The following YTHDC1 variants were observed in gnomAD, a reference collection of about 807,000 sequenced individuals.
YTHDC1 encodes the protein YTH N6-methyladenosine RNA binding protein C1.
A neutral mutation model predicts 107.0 loss-of-function variants in YTHDC1; 12 were observed. The observed-to-expected ratio is 0.11, with a 90% confidence interval of 0.07 to 0.18. The LOEUF (loss-of-function observed/expected upper bound fraction) is 0.18. Among genes scored for constraint, YTHDC1 ranks in the 10% least tolerant of loss-of-function variants. YTHDC1 has a pLI of 1.00. For missense variants in YTHDC1, 635 were observed against 898.8 expected (o/e 0.71, Z 3.75); for synonymous variants, 280 against 289.5 (o/e 0.97, Z 0.33).
In YTHDC1 at chr4:68,337,132, C is replaced by T; in HGVS notation, c.778G>A (p.Glu260Lys). 1.9e-6 allele frequency: 3 copies of T among 1,614,084 alleles called. No individual in the cohort carries two copies. The highest frequency in any genetic ancestry group is 2.5e-6 in the Non-Finnish European group (3 of 1,180,000). Residue 260 changes from glutamate (E) to lysine (K), a missense_variant, in exon 4 of 17, where the codon GAG becomes AAG. Physicochemically the swap from Glu to Lys is moderately conservative, Grantham distance 56. Coordinates refer to ENST00000344157, the MANE Select transcript of YTHDC1 (RefSeq NM_001031732.4). ...CTTCGAGTGTCATAATCATTTCCCT[C>T]CTCTTTCTGGTCTCTCTCATCCTGT... Reference protein sequence around the residue: ...YEQDERDQKEEGNDYDTRSEA... With the variant: ...YEQDERDQKEKGNDYDTRSEA...
At position 68,335,417 on chromosome 4, in the gene YTHDC1, T is replaced by C. The variant is rs563391888; in HGVS notation, c.883+1610A>G. ...ATAAACCTAGTCTAGTAACAGAGTT[T>C]TGATATCAAGATTTATTATAAAACT... On this transcript the variant is annotated intron_variant, in intron 4 of 16. Coordinates refer to ENST00000344157, the MANE Select transcript of YTHDC1 (RefSeq NM_001031732.4). 2.0e-5 allele frequency among the ~76,000 whole-genome samples: 3 copies of C among 152,268 alleles called. No individual in the cohort carries two copies. In the South Asian group the frequency reaches 6.2e-4, roughly 32 times the overall value.
chr4:68,340,180 C>T (rs1724657442), intron 1 of YTHDC1, among the ~76,000 whole-genome samples: 1 of 151,932 alleles, frequency 6.6e-6, no homozygotes. Context: ...TCAAATTTTC[C>T]CCAAAGTGGG....
At chr4:68,347,194 A>C (rs1725544326) in intron 1 of YTHDC1, among the ~76,000 whole-genome samples, 1 of 152,242 alleles carries the variant, frequency 6.6e-6, no homozygotes, top group Non-Finnish European at 1.5e-5. Context: ...TTAACACAGT[A>C]ACTCATTACA....
At position 68,337,407 on chromosome 4, in the gene YTHDC1, T is replaced by G; in HGVS notation, c.503A>C (p.Gln168Pro). The change falls in exon 4 of 17, where the codon CAG (glutamine) becomes CCG (proline). Residue 168 changes from glutamine to proline, a missense_variant. Coordinates refer to ENST00000344157, the MANE Select transcript of YTHDC1 (RefSeq NM_001031732.4). ...EVDRRASRSSQSSKEEVNSEE... is the reference protein window; with the variant it reads ...EVDRRASRSSPSSKEEVNSEE... ...AGAGTTCACTTCTTCCTTAGAAGAC[T>G]GGCTGGATCTGCTTGCACGTCTATC... 6.2e-7 allele frequency: 1 copy of G among 1,614,198 alleles called. No individual in the cohort carries two copies. The highest frequency in any genetic ancestry group is 1.6e-4 in the Middle Eastern group (1 of 6,062).
At chr4:68,334,227 G>A (rs565593513) in intron 4 of YTHDC1, among the ~76,000 whole-genome samples, 3 of 152,192 alleles carry the variant, frequency 2.0e-5, no homozygotes, top group South Asian at 4.1e-4. Context: ...TCAGCTTAGA[G>A]ATAAGGGAAT....
Position 68,322,726 on chromosome 4 carries a change from T to A in YTHDC1, c.1601+23A>T. On this transcript the variant is annotated intron_variant, in intron 11 of 16. Transcript: ENST00000344157. This position sits in a 1 kb window ranked among gnomAD's most constrained non-coding sequence, Gnocchi z 4.8. The stretch of plus-strand genomic sequence containing the variant: ...GTTATTCTGATACATGTGCCTATTA[T>A]CAGTCCAAAGAACGTTTCTAACCTT... 2 of 1,611,302 alleles carry A rather than the reference T, an allele frequency of 1.2e-6. No individual in the cohort carries two copies. The highest frequency in any genetic ancestry group is 1.7e-6 in the Non-Finnish European group (2 of 1,177,942).
chr4:68,338,530 A>C, intron 1 of YTHDC1, 146 bp from the exon 2 acceptor site: 4 of 590,350 alleles, frequency 6.8e-6, no homozygotes. Context: ...ATCAAGACAC[A>C]AGATTAATTT....
In YTHDC1 at chr4:68,322,490, G is replaced by GT. The variant is rs1722543594; in HGVS notation, c.1601+258dup. 4.6e-6 allele frequency: 2 copies of GT among 435,516 alleles called. No individual in the cohort carries two copies. Among genetic ancestry groups the GT allele is most frequent in the African/African-American group, 4.0e-5 (2 of 50,256 alleles). 27.0% of individuals were successfully genotyped at this position (435,516 alleles called of 1,614,324 possible). A position where few individuals can be genotyped will look rare whatever the true frequency, so the allele number is the denominator to read the frequency against. On this transcript the variant is annotated intron_variant, in intron 11 of 16. Transcript: ENST00000344157. This position sits in a 1 kb window ranked among gnomAD's most constrained non-coding sequence, Gnocchi z 4.8. ...CAATTGTATACATTGTATTATCAGA[G>GT]TATTATCTAATCTAAACTGGTTATC...
chr4:68,319,538 A>G (rs1211786751), intron 12 of YTHDC1, among the ~76,000 whole-genome samples: 1 of 152,154 alleles, frequency 6.6e-6, no homozygotes, highest in African/African-American at 2.4e-5. Context: ...TAGTGCTATA[A>G]TGATCACTAA....
chr4:68,344,986 G>A (rs1004961949), intron 1 of YTHDC1, among the ~76,000 whole-genome samples: 3 of 152,072 alleles, frequency 2.0e-5, no homozygotes, highest in African/African-American at 4.8e-5. Flanking sequence ...AGCCCTGATC[G>A]CACTACTGCA....
chr4:68,336,305 C>G (rs1169312189), intron 4 of YTHDC1, among the ~76,000 whole-genome samples: 1 of 151,916 alleles, frequency 6.6e-6, no homozygotes, highest in African/African-American at 2.4e-5. Context: ...GTACCCTGAC[C>G]TCTCCTTGCT....
At position 68,349,717 on chromosome 4, in the gene YTHDC1, C is replaced by A; in HGVS notation, c.28+9G>T. 2 of 1,612,370 alleles carry A rather than the reference C, an allele frequency of 1.2e-6. No individual in the cohort carries two copies. Among genetic ancestry groups the A allele is most frequent in the Non-Finnish European group, 1.7e-6 (2 of 1,179,376 alleles). ...CTCGCCTCGGCCCGTCATCTTTCTCCGCACTAACCTTTCTCCTCCCGACTG... is the reference window on the plus strand; with the variant it reads ...CTCGCCTCGGCCCGTCATCTTTCTCAGCACTAACCTTTCTCCTCCCGACTG... On this transcript the variant is annotated intron_variant, in intron 1 of 16. Transcript: ENST00000344157.
At position 68,312,354 on chromosome 4, in the gene YTHDC1, C is replaced by A. The variant is rs2109666617; in HGVS notation, c.*1745G>T. ...TTTCAGGAAAATACCTTTAATATTA[C>A]CTACCAGTTTTGTATAATGGTTACA... On this transcript the variant is annotated 3_prime_UTR_variant, in exon 17 of 17. Transcript: ENST00000344157. The A allele has an allele frequency of 6.6e-6, 1 of 152,242 alleles. No homozygotes were observed. Among genetic ancestry groups the A allele is most frequent in the South Asian group, 2.1e-4 (1 of 4,826 alleles). 9.4% of individuals were successfully genotyped at this position (152,242 alleles called of 1,614,324 possible). A position where few individuals can be genotyped will look rare whatever the true frequency, so the allele number is the denominator to read the frequency against.
chr4:68,348,459 T>C (rs1447187793), intron 1 of YTHDC1, among the ~76,000 whole-genome samples: 1 of 144,520 alleles, frequency 6.9e-6, no homozygotes, highest in Non-Finnish European at 1.5e-5. Flanking sequence ...ATGTTCCCAT[T>C]ACTTCTGGAT....
At chr4:68,318,956 TC>T in intron 12 of YTHDC1, 94 bp from the exon 13 acceptor site, 1 of 1,319,268 alleles carries the variant, frequency 7.6e-7, no homozygotes, top group Non-Finnish European at 1.1e-6. Flanking sequence ...TTCAATTCTT[TC>T]CATGAAATAT....
chr4:68,349,653 G>T, intron 1 of YTHDC1, 73 bp downstream of exon 1: 1 of 1,214,514 alleles, frequency 8.2e-7, no homozygotes, highest in East Asian at 3.0e-5. Context: ...CACCCCCAAC[G>T]ACGACCACTG....
At position 68,322,663 on chromosome 4, in the gene YTHDC1, G is replaced by A; in HGVS notation, c.1601+86C>T. On this transcript the variant is annotated intron_variant, in intron 11 of 16. Transcript: ENST00000344157. The surrounding 1 kb of genome is among the most constrained non-coding windows in gnomAD (Gnocchi z 4.8). ...GAGGATTTTCTCTTTCTTCTTTACC[G>A]CAGGACAAACTTTTGACGAATCATA... 2 of 1,457,134 alleles carry A rather than the reference G, an allele frequency of 1.4e-6. No individual in the cohort carries two copies. The highest frequency in any genetic ancestry group is 1.5e-5 in the South Asian group (1 of 67,958). 90.3% of individuals were successfully genotyped at this position (1,457,134 alleles called of 1,614,324 possible).
In YTHDC1 at chr4:68,332,021, T is replaced by TG. The variant is rs1723641546; in HGVS notation, c.1122+81dup. 3 of 789,990 alleles carry TG rather than the reference T, an allele frequency of 3.8e-6. No homozygotes were observed. In the Admixed American group the frequency reaches 8.8e-5, roughly 23 times the overall value. 48.9% of individuals were successfully genotyped at this position (789,990 alleles called of 1,614,324 possible). On this transcript the variant is annotated intron_variant, in intron 7 of 16. Transcript: ENST00000344157. Reference sequence around the variant, plus strand: ...GCCGTAATGAAAATCATAATACCTATGCTACTTGATATAATACAAGTCTAT... The same window carrying TG: ...GCCGTAATGAAAATCATAATACCTATGGCTACTTGATATAATACAAGTCTAT...
intron 1 of YTHDC1, among the ~76,000 whole-genome samples, chr4:68,344,409 G>A (rs1252416308): frequency 1.3e-5 from 2 of 151,994 alleles, no homozygotes; most frequent in Admixed American, 1.3e-4. Context: ...TAATACTTTG[G>A]GAAAGAGGAG....
Sources: allele counts gnomAD v4.1 joint callset (sites outside exome capture counted in the v4.1 genomes callset), GRCh38; gene constraint gnomAD v4.1.1; non-coding constraint Gnocchi (gnomAD v3.1); transcripts MANE v1.5; gene names NCBI Gene and HGNC (gene_info 2026-07-23, HGNC 2026-07-21).